Variants in MYO10 observed in about 807,000 individuals in gnomAD.
MYO10 encodes unconventional myosin-X.
In MYO10, 133 loss-of-function variants were observed where a neutral mutation model predicts 257.3. The ratio of observed to expected loss-of-function variants is 0.52; its 90% CI spans 0.45 to 0.60. The LOEUF (loss-of-function observed/expected upper bound fraction) is 0.60, where lower values mean the gene tolerates loss of function less well. MYO10 is among the 20% of genes least tolerant of loss of function. MYO10 has a pLI of 0.00. For missense variants in MYO10, 2,399 were observed against 2,635.7 expected (o/e 0.91, Z 1.97); for synonymous variants, 1,104 against 1,028.6 (o/e 1.07, Z -1.40).
rs1224730734 is a variant in MYO10 at position 16,679,947 on chromosome 5, C to T, written c.4542G>A (p.Lys1514=). ...TPTQQLIQDI[K]ENCLNSDVVE... ...CCTTGATGGGCTTGTCTTGGCTTAC[C>T]TTGATATCTTGAATCAGCTGCTGGG... Residue 1514 remains lysine (K), a splice_region_variant and synonymous_variant, in exon 33 of 41, where the codon AAG becomes AAA. Coordinates refer to ENST00000513610, the MANE Select transcript of MYO10 (RefSeq NM_012334.3). The T allele has an allele frequency of 6.2e-7, 1 of 1,613,488 alleles. No homozygotes were observed. The highest frequency in any genetic ancestry group is 1.7e-5 in the Admixed American group (1 of 59,964).
intron 1 of MYO10, among the ~76,000 whole-genome samples, chr5:16,891,939 T>C (rs1446503628): frequency 6.6e-6 from 1 of 152,230 alleles, no homozygotes; most frequent in Non-Finnish European, 1.5e-5. Context: ...CTAATTTTTA[T>C]ATACTTTCTC....
intron 17 of MYO10, 21 bp from the exon 18 acceptor site, chr5:16,758,247 A>T (rs370768271): frequency 8.7e-6 from 13 of 1,498,602 alleles, no homozygotes; most frequent in Admixed American, 5.0e-5. Flanking sequence ...CAAGAGCAGG[A>T]GGTCAGTGAG....
rs150338942 is a variant in MYO10, at chr5:16,858,914, T to C, written c.120+18695A>G. On this transcript the variant is annotated intron_variant, in intron 2 of 40. Transcript: ENST00000513610. ...TGGAGGTGGCAGTGAGCCGAGAGTA[T>C]GCCACTGTACTCCAGCATGGACAAC... Among the ~76,000 whole-genome samples, 332 of 152,160 alleles carry C rather than the reference T, an allele frequency of 2.2e-3. 1 individual carries two copies. The highest frequency in any genetic ancestry group is 0.01 in the Middle Eastern group (3 of 294).
chr5:16,750,738 G>A (rs1025286152), intron 19 of MYO10, among the ~76,000 whole-genome samples: 2 of 152,156 alleles, frequency 1.3e-5, no homozygotes, highest in African/African-American at 4.8e-5. Flanking sequence ...GCTCACACAT[G>A]TAATCCCAGC....
At chr5:16,725,683 G>A (rs1446410119) in intron 19 of MYO10, among the ~76,000 whole-genome samples, 1 of 152,108 alleles carries the variant, frequency 6.6e-6, no homozygotes, top group African/African-American at 2.4e-5. Flanking sequence ...AGGTGGGTAG[G>A]GCAGCCATTA....
At chr5:16,873,053 T>C (rs1744494554) in intron 2 of MYO10, among the ~76,000 whole-genome samples, 1 of 152,164 alleles carries the variant, frequency 6.6e-6, no homozygotes, top group African/African-American at 2.4e-5. Context: ...TCTTAACTCA[T>C]TTCAGCATTA....
rs763319867 is a variant in MYO10, at chr5:16,674,840, C to T, written c.4964+13G>A. 60 of 1,613,496 alleles carry T rather than the reference C, an allele frequency of 3.7e-5. No individual in the cohort carries two copies. Among genetic ancestry groups the T allele is most frequent in the Non-Finnish European group, 4.5e-5 (53 of 1,179,708 alleles). On this transcript the variant is annotated intron_variant, in intron 35 of 40. Transcript: ENST00000513610. Reference sequence around the variant, plus strand: ...GCTCTGCCCAGCTCATCTCCCGTGCCCCCATGCTTTACCTTTTCAGATGGA... The same window carrying T: ...GCTCTGCCCAGCTCATCTCCCGTGCTCCCATGCTTTACCTTTTCAGATGGA...
intron 9 of MYO10, among the ~76,000 whole-genome samples, chr5:16,771,547 TTTATTATTATTATTATTATTATTA>T (rs201265648): frequency 2.2e-5 from 3 of 136,900 alleles, no homozygotes; most frequent in Non-Finnish European, 4.6e-5. Context: ...ACTATTATGA[TTTATTATTATTATTATTATTATTA>T]TTATTATTAT....
intron 19 of MYO10, among the ~76,000 whole-genome samples, chr5:16,745,409 G>A (rs1206355341): frequency 6.6e-6 from 1 of 152,166 alleles, no homozygotes; most frequent in Non-Finnish European, 1.5e-5. Flanking sequence ...AAGCAGACCA[G>A]GCACGGTGAG....
At chr5:16,748,048 C>T (rs6873084) in intron 19 of MYO10, among the ~76,000 whole-genome samples, 2,796 of 151,042 alleles carry the variant, frequency 0.019, 83 homozygotes, top group African/African-American at 0.064. Flanking sequence ...CATTATCATC[C>T]GAACTTTTTA....
At chr5:16,826,240 T>C (rs966617011) in intron 2 of MYO10, among the ~76,000 whole-genome samples, 4 of 151,974 alleles carry the variant, frequency 2.6e-5, no homozygotes, top group Non-Finnish European at 4.4e-5. Context: ...TCTAGCTGGA[T>C]TGACCTCTCC....
intron 3 of MYO10, among the ~76,000 whole-genome samples, chr5:16,806,763 A>G (rs1269191798): frequency 6.6e-6 from 1 of 152,136 alleles, no homozygotes; most frequent in Non-Finnish European, 1.5e-5. Flanking sequence ...CAATGCAGAA[A>G]TAACTCATCT....
intron 2 of MYO10, among the ~76,000 whole-genome samples, chr5:16,832,555 C>T (rs1310444867): frequency 6.6e-6 from 1 of 152,134 alleles, no homozygotes; most frequent in Non-Finnish European, 1.5e-5. Context: ...ATGGATGGAA[C>T]CCCCAATTCT....
rs1440886165 is a variant in MYO10, at chr5:16,689,699, TTC to T, written c.3896+123_3896+124del. ...TGCATCAATCTCGTATGACTCTTGG[TTC>T]TTCAAAAAAAGTCAATTAAAATTTT... On this transcript the variant is annotated intron_variant, in intron 28 of 40. Coordinates refer to ENST00000513610, the MANE Select transcript of MYO10 (RefSeq NM_012334.3). The T allele has an allele frequency of 7.0e-6, 5 of 717,184 alleles. No homozygotes were observed. In the African/African-American group the frequency reaches 7.2e-5, roughly 10 times the overall value. The allele number at this position is 717,184 out of a possible 1,614,324, so 44.4% of individuals were successfully genotyped here.
At position 16,681,371 on chromosome 5, in the gene MYO10, G is replaced by T; in HGVS notation, c.4322C>A (p.Thr1441Asn). 6.2e-7 allele frequency: 1 copy of T among 1,613,974 alleles called. No individual in the cohort carries two copies. ...AGAGCAGAGGCTGTTGAGGACCAGGGTCCCCAGTTTGAGCGCGTTCTTCTC... is the reference window on the plus strand; with the variant it reads ...AGAGCAGAGGCTGTTGAGGACCAGGTTCCCCAGTTTGAGCGCGTTCTTCTC... ...SSEKNALKLG[T>N]LVLNSLCSVV... Residue 1441 changes from threonine (T) to asparagine (N), a missense_variant, in exon 32 of 41, where the codon ACC (threonine) becomes AAC (asparagine). By Grantham distance (65) the Thr-to-Asn change is moderately conservative. Coordinates refer to ENST00000513610, the MANE Select transcript of MYO10 (RefSeq NM_012334.3).
At chr5:16,712,107 AGGTGGG>A (rs968407958) in intron 19 of MYO10, among the ~76,000 whole-genome samples, 1 of 2,328 alleles carries the variant, frequency 4.3e-4, no homozygotes, top group African/African-American at 2.9e-3. Context: ...GTGGCAGGTG[AGGTGGG>A]GGTGGGGGTG....
chr5:16,855,963 G>A (rs2126740711), intron 2 of MYO10, among the ~76,000 whole-genome samples: 1 of 152,316 alleles, frequency 6.6e-6, no homozygotes, highest in African/African-American at 2.4e-5. Flanking sequence ...AGAACCATCT[G>A]TAACATCCAA....
chr5:16,929,039 G>A (rs1746222083), intron 1 of MYO10, among the ~76,000 whole-genome samples: 4 of 150,636 alleles, frequency 2.7e-5, no homozygotes, highest in African/African-American at 9.8e-5. Context: ...TGCAAGCTCC[G>A]CCTCCTGGGT....
chr5:16,771,767 G>A (rs910715992), intron 9 of MYO10, among the ~76,000 whole-genome samples: 6 of 151,490 alleles, frequency 4.0e-5, no homozygotes, highest in Middle Eastern at 3.4e-3. Context: ...TTTTAGGAGA[G>A]ATGGAGTTTT....
Sources: gnomAD v4.1 joint callset for allele counts (sites outside exome capture counted in the v4.1 genomes callset) on GRCh38, gnomAD v4.1.1 for gene constraint, MANE v1.5 for transcripts, NCBI Gene and HGNC (gene_info 2026-07-23, HGNC 2026-07-21) for gene names.